The following PCED1B variants were observed in gnomAD, a reference collection of about 807,000 sequenced individuals.
PCED1B encodes PC-esterase domain-containing protein 1B.
For missense variants in PCED1B, 573 were observed against 573.9 expected (o/e 1.00, Z 0.02); for synonymous variants, 251 against 246.1 (o/e 1.02, Z -0.19).
chr12:47,229,414 C>CAA (rs563683098), intron 3 of PCED1B, among the ~76,000 whole-genome samples: 2 of 122,006 alleles, frequency 1.6e-5, no homozygotes, highest in Admixed American at 8.5e-5. Context: ...AACTGCTTCT[C>CAA]AAAAAAAAAA....
intron 1 of PCED1B, among the ~76,000 whole-genome samples, chr12:47,101,133 A>G (rs1193186168): frequency 2.6e-5 from 4 of 152,182 alleles, no homozygotes; most frequent in Non-Finnish European, 5.9e-5. Context: ...AGTTTATTCC[A>G]TTCCATCTTA....
intron 1 of PCED1B, among the ~76,000 whole-genome samples, chr12:47,087,524 G>A (rs958518919): frequency 4.6e-5 from 7 of 152,274 alleles, no homozygotes; most frequent in East Asian, 1.9e-4. Flanking sequence ...TCCCAGAGCC[G>A]TGATATGGTT....
At chr12:47,212,513 G>A (rs1424000670) in intron 2 of PCED1B, among the ~76,000 whole-genome samples, 2 of 152,108 alleles carry the variant, frequency 1.3e-5, no homozygotes, top group Admixed American at 1.3e-4. Context: ...TAGTTAACCT[G>A]TGTGATTCAG....
In PCED1B at chr12:47,217,468, A is replaced by AAGAAAAAGAAAGAAAAAGAAAGAAAG. The variant is rs1943308695; in HGVS notation, c.-58+782_-58+783insAAAAGAAAGAAAAAGAAAGAAAGAGA. On this transcript the variant is annotated intron_variant, in intron 3 of 3. Transcript: ENST00000546455. Reference sequence around the variant, plus strand: ...AGAAAGAAAGAAAGAAAAAGAAAGAAAGAGAAAGAAAGAAAGAAAGAAAGA... The same window carrying AAGAAAAAGAAAGAAAAAGAAAGAAAG: ...AGAAAGAAAGAAAGAAAAAGAAAGAAAGAAAAAGAAAGAAAAAGAAAGAAAGAGAGAAAGAAAGAAAGAAAGAAAGA... 1.2e-4 allele frequency among the ~76,000 whole-genome samples: 5 copies of AAGAAAAAGAAAGAAAAAGAAAGAAAG among 42,320 alleles called. 1 individual carries two copies. The highest frequency in any genetic ancestry group is 6.2e-4 in the African/African-American group (5 of 8,124). The allele number at this position is 42,320 out of a possible 152,430, so 27.8% of individuals were successfully genotyped here.
rs545462928 is a variant in PCED1B at position 47,181,509 on chromosome 12, G to T, written c.-525-34713G>T. 2.0e-5 allele frequency among the ~76,000 whole-genome samples: 3 copies of T among 151,702 alleles called. No homozygotes were observed. In the South Asian group the frequency reaches 6.2e-4, roughly 32 times the overall value. On this transcript the variant is annotated intron_variant, in intron 2 of 3. Transcript: ENST00000546455. ...CTCCCGACTAGCTGGGATTACAAGT[G>T]TGCACCACCATGCCTGGCTAATTTT...
At chr12:47,122,378 T>C (rs913974909) in intron 2 of PCED1B, among the ~76,000 whole-genome samples, 4 of 152,342 alleles carry the variant, frequency 2.6e-5, no homozygotes, top group Admixed American at 2.0e-4. Context: ...GAAAGCCAAC[T>C]GGATCCATAT....
chr12:47,080,301 C>G (rs1290217605), intron 1 of PCED1B, among the ~76,000 whole-genome samples: 1 of 152,210 alleles, frequency 6.6e-6, no homozygotes, highest in African/African-American at 2.4e-5. Context: ...GGGTCTCACC[C>G]TTGGAGACCC....
intron 2 of PCED1B, among the ~76,000 whole-genome samples, chr12:47,176,074 A>T (rs1380847320): frequency 6.6e-6 from 1 of 151,834 alleles, no homozygotes; most frequent in East Asian, 1.9e-4. Context: ...TTTAAATAAT[A>T]TTATTGCTCA....
At chr12:47,159,606 C>G (rs1941305808) in intron 2 of PCED1B, among the ~76,000 whole-genome samples, 1 of 151,534 alleles carries the variant, frequency 6.6e-6, no homozygotes, top group Admixed American at 6.6e-5. Flanking sequence ...CTGTTGAGCT[C>G]TCGGTTTTCC....
At chr12:47,146,346 T>C (rs374597503) in intron 2 of PCED1B, among the ~76,000 whole-genome samples, 1 of 152,296 alleles carries the variant, frequency 6.6e-6, no homozygotes, top group East Asian at 1.9e-4. Flanking sequence ...ACAAAGGATT[T>C]AGAATATTTA....
chr12:47,144,295 T>A (rs1352621858), intron 2 of PCED1B, among the ~76,000 whole-genome samples: 4 of 152,202 alleles, frequency 2.6e-5, no homozygotes, highest in East Asian at 1.9e-4. Context: ...CTCAGGATCA[T>A]CCTTTGAAAC....
intron 2 of PCED1B, among the ~76,000 whole-genome samples, chr12:47,144,201 C>G (rs1173195739): frequency 6.6e-6 from 1 of 152,160 alleles, no homozygotes; most frequent in Non-Finnish European, 1.5e-5. Flanking sequence ...GCCTTAGCCA[C>G]AGCTAAGGCA....
chr12:47,110,071 G>C (rs11183737), intron 2 of PCED1B, among the ~76,000 whole-genome samples: 4,929 of 152,246 alleles, frequency 0.032, 260 homozygotes, highest in African/African-American at 0.11. Context: ...TGGTTGGCTT[G>C]GAAGATGTTT....
At chr12:47,160,287 CTTTTTCTTTTT>C (rs1941329711) in intron 2 of PCED1B, among the ~76,000 whole-genome samples, 1 of 116,296 alleles carries the variant, frequency 8.6e-6, no homozygotes, top group African/African-American at 3.2e-5. Flanking sequence ...TTTTCTTTTT[CTTTTTCTTTTT>C]TTTTTTTTTT....
At chr12:47,093,317 C>G (rs957301161) in intron 1 of PCED1B, among the ~76,000 whole-genome samples, 3 of 151,680 alleles carry the variant, frequency 2.0e-5, no homozygotes, top group African/African-American at 7.3e-5. Flanking sequence ...CTTGTATGAT[C>G]TATAGTGATA....
intron 3 of PCED1B, among the ~76,000 whole-genome samples, chr12:47,221,119 T>C (rs890065540): frequency 6.6e-6 from 1 of 152,128 alleles, no homozygotes. Flanking sequence ...AAATTAAAAC[T>C]ATACCAATTA....
chr12:47,109,228 G>C (rs1201077885), intron 2 of PCED1B, among the ~76,000 whole-genome samples: 1 of 152,196 alleles, frequency 6.6e-6, no homozygotes, highest in African/African-American at 2.4e-5. Flanking sequence ...CTTGCATACT[G>C]CTGCCAGTCT....
intron 2 of PCED1B, among the ~76,000 whole-genome samples, chr12:47,131,687 T>TTTTTTTTTTTTTTTG (rs1565767316): frequency 6.6e-6 from 1 of 150,836 alleles, no homozygotes; most frequent in African/African-American, 2.5e-5. Flanking sequence ...TTTTTTTTTT[T>TTTTTTTTTTTTTTTG]GAGAAGGAGT....
chr12:47,183,821 G>C (rs1014184232), intron 2 of PCED1B, among the ~76,000 whole-genome samples: 2 of 152,132 alleles, frequency 1.3e-5, no homozygotes, highest in Non-Finnish European at 2.9e-5. Flanking sequence ...TGTTTTAATA[G>C]ACTTTGATTC....
Sources: allele counts gnomAD v4.1 joint callset (sites outside exome capture counted in the v4.1 genomes callset), GRCh38; gene constraint gnomAD v4.1.1; transcripts MANE v1.5; gene names NCBI Gene and HGNC (gene_info 2026-07-23, HGNC 2026-07-21).